VRK2: variants seen among roughly 807,000 people sequenced by gnomAD.
VRK2 encodes the protein serine/threonine-protein kinase VRK2.
Under a neutral mutation model 57.6 loss-of-function variants are expected in VRK2, and 60 were observed. That is an observed-to-expected ratio of 1.04 (90% CI 0.85 to 1.29). The LOEUF (loss-of-function observed/expected upper bound fraction) is 1.29, where lower values mean the gene tolerates loss of function less well. VRK2 is among the 50% of genes most tolerant of loss of function. VRK2 has a pLI of 0.00. For missense variants in VRK2, 705 were observed against 588.1 expected (o/e 1.20, Z -2.06); for synonymous variants, 231 against 199.2 (o/e 1.16, Z -1.35).
intron 1 of VRK2, among the ~76,000 whole-genome samples, chr2:57,953,778 C>G (rs1369743547): frequency 6.6e-6 from 1 of 151,946 alleles, no homozygotes; most frequent in Non-Finnish European, 1.5e-5. Context: ...AAAAAAAAGT[C>G]CTTCGGACTC....
chr2:58,127,387 T>C (rs1678526629), intron 8 of VRK2, among the ~76,000 whole-genome samples: 1 of 152,136 alleles, frequency 6.6e-6, no homozygotes, highest in South Asian at 2.1e-4. Flanking sequence ...ATTTGCTCTA[T>C]TGAATGACTT....
At chr2:58,096,797 TC>T (rs890672529) in intron 7 of VRK2, among the ~76,000 whole-genome samples, 1 of 151,842 alleles carries the variant, frequency 6.6e-6, no homozygotes, top group African/African-American at 2.4e-5. Context: ...CAATTGGATG[TC>T]CCTCCATAAG....
intron 9 of VRK2, among the ~76,000 whole-genome samples, chr2:58,133,569 T>G (rs1439577225): frequency 6.6e-6 from 1 of 152,210 alleles, no homozygotes; most frequent in Non-Finnish European, 1.5e-5. Flanking sequence ...TTTCCTGACA[T>G]AGCATGCTGC....
At chr2:57,914,924 T>C (rs918025231) in intron 1 of VRK2, among the ~76,000 whole-genome samples, 7 of 152,098 alleles carry the variant, frequency 4.6e-5, no homozygotes, top group African/African-American at 1.7e-4. Context: ...AACAATTTGA[T>C]TGGATTATAA....
At position 58,027,573 on chromosome 2, in the gene VRK2, G is replaced by A. The variant is rs866768733; in HGVS notation, c.-333+1803G>A. Among the ~76,000 whole-genome samples the A allele has an allele frequency of 3.3e-5, 5 of 152,092 alleles. No individual in the cohort carries two copies. The South Asian group carries it at 1.0e-3, about 32-fold the overall frequency. ...AGGGTTGGAAAGGGCTTGGTGGATT[G>A]GTGGAAAGGGGGACTGCAGAGTTTA... is the stretch of plus-strand genomic sequence containing the variant. On this transcript the variant is annotated intron_variant, in intron 2 of 15. Transcript: ENST00000417641.
intron 1 of VRK2, among the ~76,000 whole-genome samples, chr2:57,932,643 T>C (rs1670767317): frequency 6.6e-6 from 1 of 152,116 alleles, no homozygotes. Context: ...TTTACTCTTT[T>C]AATTAATCTT....
intron 8 of VRK2, among the ~76,000 whole-genome samples, chr2:58,124,552 C>G (rs72951092): frequency 0.061 from 9,299 of 152,164 alleles, 956 homozygotes; most frequent in African/African-American, 0.21. Flanking sequence ...GATATTTGCA[C>G]TTCTTAATGG....
intron 12 of VRK2, among the ~76,000 whole-genome samples, chr2:58,151,804 T>C (rs1479547050): frequency 7.7e-6 from 1 of 130,122 alleles, no homozygotes; most frequent in African/African-American, 2.8e-5. Flanking sequence ...GTCAGCTCCA[T>C]AGCCTATGGG....
intron 7 of VRK2, among the ~76,000 whole-genome samples, chr2:58,091,588 C>A (rs1672383539): frequency 6.6e-6 from 1 of 151,606 alleles, no homozygotes; most frequent in African/African-American, 2.4e-5. Flanking sequence ...AATATTTGAT[C>A]TCTGCATTGG....
At chr2:58,016,399 T>C (rs938223295) in intron 1 of VRK2, among the ~76,000 whole-genome samples, 1 of 152,232 alleles carries the variant, frequency 6.6e-6, no homozygotes. Context: ...CAGGCGGGAA[T>C]GCAGTGGCGC....
intron 2 of VRK2, among the ~76,000 whole-genome samples, chr2:58,062,274 C>T (rs1178741472): frequency 2.6e-5 from 4 of 151,996 alleles, no homozygotes; most frequent in Admixed American, 6.6e-5. Flanking sequence ...CTGACTGCAC[C>T]ACTCACCAGC....
intron 3 of VRK2, among the ~76,000 whole-genome samples, chr2:58,034,365 C>T (rs1450396198): frequency 6.6e-6 from 1 of 151,916 alleles, no homozygotes; most frequent in African/African-American, 2.4e-5. Context: ...TCCCAGTTTG[C>T]CCGCTACCGA....
rs566080367 is a variant in VRK2, at chr2:57,933,416, G to A, written c.-439+25577G>A. On this transcript the variant is annotated intron_variant, in intron 1 of 15. Coordinates refer to the VRK2 transcript ENST00000417641. ...CAACCTCTGCCTCCCAGGTTCAAGC[G>A]ATTCTTCTGCCTCAGCCTCCCGAGT... Among the ~76,000 whole-genome samples, 8 of 138,700 alleles carry A rather than the reference G, an allele frequency of 5.8e-5. No homozygotes were observed. The South Asian group carries it at 1.6e-3, about 28-fold the overall frequency. 91.0% of individuals were successfully genotyped at this position (138,700 alleles called of 152,430 possible).
chr2:58,110,405 ATAAC>A (rs945597747), intron 7 of VRK2, among the ~76,000 whole-genome samples: 2 of 152,242 alleles, frequency 1.3e-5, no homozygotes, highest in African/African-American at 2.4e-5. Flanking sequence ...ATTTACGAAA[ATAAC>A]TATATGACAA....
In VRK2 at chr2:57,949,638, T is replaced by C. The variant is rs372978067; in HGVS notation, c.-439+41799T>C. Among the ~76,000 whole-genome samples the C allele has an allele frequency of 1.0e-3, 157 of 152,290 alleles. 1 individual carries two copies. In the South Asian group the frequency reaches 0.032, roughly 31 times the overall value. ...TTGAGACACAATAATATTGAAATTA[T>C]GCCAATTAATAACCCTACAATGGCC... On this transcript the variant is annotated intron_variant, in intron 1 of 15. Transcript: ENST00000417641.
chr2:58,144,673 T>G (rs575584393), intron 11 of VRK2, among the ~76,000 whole-genome samples: 8 of 152,086 alleles, frequency 5.3e-5, no homozygotes, highest in African/African-American at 1.9e-4. Flanking sequence ...CAGGTACATT[T>G]ATTACCAAGA....
At chr2:57,968,794 A>G (rs1427243351) in intron 1 of VRK2, among the ~76,000 whole-genome samples, 4 of 152,140 alleles carry the variant, frequency 2.6e-5, no homozygotes, top group Non-Finnish European at 4.4e-5. Flanking sequence ...AGCCCAAAGC[A>G]ATGTTGTTCT....
At chr2:58,158,273 T>A (rs917789720) in intron 12 of VRK2, among the ~76,000 whole-genome samples, 11 of 152,234 alleles carry the variant, frequency 7.2e-5, no homozygotes, top group African/African-American at 2.4e-4. Flanking sequence ...GACAAACTTA[T>A]GAAAAACTGC....
chr2:58,048,437 A>G, intron 1 of VRK2: 4 of 713,160 alleles, frequency 5.6e-6, no homozygotes, highest in South Asian at 5.6e-5. Flanking sequence ...CACTTTTAAC[A>G]TTTTACATTC....
Sources: allele counts gnomAD v4.1 joint callset (sites outside exome capture counted in the v4.1 genomes callset), GRCh38; gene constraint gnomAD v4.1.1; transcripts MANE v1.5; gene names NCBI Gene and HGNC (gene_info 2026-07-23, HGNC 2026-07-21).